CFAP20DC: variants seen among roughly 807,000 people sequenced by gnomAD.
The protein encoded by CFAP20DC is CFAP20 domain containing, also known as protein CFAP20DC.
In CFAP20DC, 84 loss-of-function variants were observed where a neutral mutation model predicts 101.7. The ratio of observed to expected loss-of-function variants is 0.83; its 90% CI spans 0.69 to 0.99. The LOEUF is 0.99. Ranked by LOEUF, CFAP20DC falls within the 50% of genes least tolerant of loss-of-function variation. CFAP20DC has a pLI of 0.00. For synonymous variants in CFAP20DC, 359 were observed against 351.2 expected (o/e 1.02, Z -0.25); for missense variants, 1,007 against 970.3 (o/e 1.04, Z -0.50).
intron 15 of CFAP20DC, among the ~76,000 whole-genome samples, chr3:58,790,392 C>T (rs1268933231): frequency 1.3e-5 from 2 of 152,170 alleles, no homozygotes; most frequent in Non-Finnish European, 2.9e-5. Flanking sequence ...AAACCTGTGG[C>T]CCTAAATGGG....
At chr3:58,898,643 C>T (rs2082876079) in intron 6 of CFAP20DC, among the ~76,000 whole-genome samples, 4 of 152,182 alleles carry the variant, frequency 2.6e-5, no homozygotes. Context: ...TCCTTTAGCT[C>T]AGCAAAGTTC....
In CFAP20DC at chr3:58,861,249, A is replaced by T; in HGVS notation, c.1593+2309T>A. ...GGGCTAACATCAAATAAAGTCTTTTAATTACACTTTATAAACTTCAAGCAT... is the reference window on the plus strand; with the variant it reads ...GGGCTAACATCAAATAAAGTCTTTTTATTACACTTTATAAACTTCAAGCAT... On this transcript the variant is annotated intron_variant, in intron 12 of 16. Coordinates refer to ENST00000482387, the MANE Select transcript of CFAP20DC (RefSeq NM_001394063.1). This position sits in a 1 kb window ranked among gnomAD's most constrained non-coding sequence, Gnocchi z 4.0. The T allele has an allele frequency of 1.8e-6, 1 of 542,312 alleles. No individual in the cohort carries two copies. The highest frequency in any genetic ancestry group is 2.4e-6 in the Non-Finnish European group (1 of 425,202). 33.6% of individuals were successfully genotyped at this position (542,312 alleles called of 1,614,324 possible). A position where few individuals can be genotyped will look rare whatever the true frequency, so the allele number is the denominator to read the frequency against.
chr3:59,033,367 T>C (rs145050305), intron 4 of CFAP20DC, among the ~76,000 whole-genome samples: 2 of 152,022 alleles, frequency 1.3e-5, no homozygotes, highest in Non-Finnish European at 1.5e-5. Flanking sequence ...CTGACAGAAG[T>C]AGGCTTGAGA....
In CFAP20DC at chr3:58,989,137, T is replaced by C. The variant is rs184004188; in HGVS notation, c.278+50420A>G. On this transcript the variant is annotated intron_variant, in intron 4 of 16. Coordinates refer to ENST00000482387, the MANE Select transcript of CFAP20DC (RefSeq NM_001394063.1). Reference sequence around the variant, plus strand: ...CTGAAATCAATCAAAATCCGAAATTTCCACTGTGCCTTTTTTTCTTTTAGA... The same window carrying C: ...CTGAAATCAATCAAAATCCGAAATTCCCACTGTGCCTTTTTTTCTTTTAGA... Among the ~76,000 whole-genome samples the C allele has an allele frequency of 7.2e-5, 11 of 152,202 alleles. No individual in the cohort carries two copies. The East Asian group carries it at 2.1e-3, about 29-fold the overall frequency.
At chr3:58,833,207 G>C (rs1299619404) in intron 13 of CFAP20DC, among the ~76,000 whole-genome samples, 1 of 152,078 alleles carries the variant, frequency 6.6e-6, no homozygotes, top group Non-Finnish European at 1.5e-5. Context: ...ATGTGATGTG[G>C]AGACTTCCTA....
At chr3:59,017,230 C>G (rs2093707057) in intron 4 of CFAP20DC, 2 of 152,136 alleles carry the variant, frequency 1.3e-5, no homozygotes, top group Admixed American at 6.5e-5. Flanking sequence ...GCCTGGTGGA[C>G]TAGAAATGAA....
chr3:58,981,681 C>T (rs1188136468), intron 4 of CFAP20DC, among the ~76,000 whole-genome samples: 2 of 152,196 alleles, frequency 1.3e-5, no homozygotes, highest in Non-Finnish European at 2.9e-5. Context: ...TGGATCACTT[C>T]CTTACACCTT....
chr3:58,807,907 C>T (rs937143184), intron 14 of CFAP20DC, among the ~76,000 whole-genome samples: 5 of 152,080 alleles, frequency 3.3e-5, no homozygotes, highest in African/African-American at 7.2e-5. Flanking sequence ...TCGAGAACTA[C>T]GTGAAGAATG....
intron 15 of CFAP20DC, among the ~76,000 whole-genome samples, chr3:58,797,104 C>A (rs2073314643): frequency 6.6e-6 from 1 of 152,094 alleles, no homozygotes. Flanking sequence ...TACAGTGGAC[C>A]CTGAGTGTTC....
chr3:58,752,233 G>GA (rs1288582246), intron 16 of CFAP20DC, among the ~76,000 whole-genome samples: 1 of 152,076 alleles, frequency 6.6e-6, no homozygotes, highest in Non-Finnish European at 1.5e-5. Flanking sequence ...TGAGTAAATA[G>GA]AAAATGCTTG....
intron 14 of CFAP20DC, among the ~76,000 whole-genome samples, chr3:58,814,847 G>A (rs1212056370): frequency 2.7e-5 from 4 of 150,606 alleles, no homozygotes; most frequent in Non-Finnish European, 4.4e-5. Context: ...ACTGCTCAAG[G>A]AAATAAAAGA....
At chr3:58,842,344 C>T (rs1287861815) in intron 13 of CFAP20DC, among the ~76,000 whole-genome samples, 1 of 152,184 alleles carries the variant, frequency 6.6e-6, no homozygotes, top group African/African-American at 2.4e-5. Context: ...GAGGCATTGC[C>T]TCACCTGGGA....
intron 4 of CFAP20DC, among the ~76,000 whole-genome samples, chr3:59,005,543 CA>C (rs374928140): frequency 8.1e-4 from 124 of 152,186 alleles, no homozygotes; most frequent in Middle Eastern, 3.4e-3. Flanking sequence ...ATTTTTCTGT[CA>C]TATAATTTTT....
At chr3:58,746,151 G>C (rs1008851240) in intron 16 of CFAP20DC, among the ~76,000 whole-genome samples, 25 of 152,016 alleles carry the variant, frequency 1.6e-4, no homozygotes, top group African/African-American at 5.8e-4. Flanking sequence ...GTTTTATATA[G>C]AACATTAGGA....
chr3:58,771,552 G>A (rs1210778072), intron 15 of CFAP20DC, among the ~76,000 whole-genome samples: 1 of 152,102 alleles, frequency 6.6e-6, no homozygotes. Context: ...AGCATATTGA[G>A]TTTGAGCTAA....
chr3:58,793,688 TTTGGTAGTTTA>T lies in CFAP20DC; in HGVS notation c.2237+12696_2237+12706del, dbSNP rs2073030720. 2.6e-5 allele frequency among the ~76,000 whole-genome samples: 4 copies of T among 152,286 alleles called. No individual in the cohort carries two copies. The East Asian group carries it at 7.7e-4, about 29-fold the overall frequency. On this transcript the variant is annotated intron_variant, in intron 15 of 16. Coordinates refer to ENST00000482387, the MANE Select transcript of CFAP20DC (RefSeq NM_001394063.1). ...TAAGGTGTCAAGGAAAAGATATTCT[TTTGGTAGTTTA>T]GAGATGAGCTGCCCCTCAACAAAAA...
At chr3:59,011,205 C>A (rs908170717) in intron 4 of CFAP20DC, among the ~76,000 whole-genome samples, 2 of 152,160 alleles carry the variant, frequency 1.3e-5, no homozygotes, top group Non-Finnish European at 2.9e-5. Context: ...CAAAACCAGC[C>A]TGGCCAACAT....
intron 3 of CFAP20DC, among the ~76,000 whole-genome samples, chr3:59,043,195 T>C (rs1482954421): frequency 6.6e-6 from 1 of 151,756 alleles, no homozygotes; most frequent in Non-Finnish European, 1.5e-5. Flanking sequence ...ACCAAGGGAG[T>C]AAGTGTAGAT....
At chr3:58,758,119 A>G (rs2069134054) in intron 15 of CFAP20DC, among the ~76,000 whole-genome samples, 1 of 151,902 alleles carries the variant, frequency 6.6e-6, no homozygotes. Context: ...AAGTTATACA[A>G]TTTCCCCACT....
Sources: gnomAD v4.1 joint callset for allele counts (sites outside exome capture counted in the v4.1 genomes callset) on GRCh38, gnomAD v4.1.1 for gene constraint, Gnocchi (gnomAD v3.1) non-coding constraint, MANE v1.5 for transcripts, NCBI Gene and HGNC (gene_info 2026-07-23, HGNC 2026-07-21) for gene names.